Variants in UBE2H observed in about 807,000 individuals in gnomAD.
UBE2H encodes ubiquitin-conjugating enzyme E2 H.
A neutral mutation model predicts 29.0 loss-of-function variants in UBE2H; 3 were observed. The observed-to-expected ratio is 0.10, with a 90% CI of 0.05 to 0.27. The LOEUF is 0.27. Among genes scored for constraint, UBE2H ranks in the 10% least tolerant of loss-of-function variants. The probability of loss-of-function intolerance (pLI) is 1.00; values close to 1 mark genes in which losing one functional copy is unlikely to be tolerated. For synonymous variants in UBE2H, 69 were observed against 82.9 expected, an observed-to-expected ratio of 0.83 and a Z score of 0.91; for missense variants, 68 against 228.2, an observed-to-expected ratio of 0.30 and a Z score of 4.52.
chr7:129,890,330 CGTGTGT>C (rs1563035913), intron 1 of UBE2H, among the ~76,000 whole-genome samples: 1 of 150,802 alleles, frequency 6.6e-6, no homozygotes, highest in African/African-American at 2.4e-5. Flanking sequence ...TGTATATATA[CGTGTGT>C]ATATATATGT....
intron 1 of UBE2H, among the ~76,000 whole-genome samples, chr7:129,932,640 G>A (rs774091546): frequency 6.6e-6 from 1 of 151,680 alleles, no homozygotes; most frequent in African/African-American, 2.4e-5. Context: ...CGGGCGTGGT[G>A]GTGGGCACCT....
At chr7:129,838,655 T>G (rs1225818552) in intron 6 of UBE2H, among the ~76,000 whole-genome samples, 1 of 152,166 alleles carries the variant, frequency 6.6e-6, no homozygotes, top group African/African-American at 2.4e-5. Flanking sequence ...TTTTTCTTTT[T>G]TAAAGACAGA....
intron 1 of UBE2H, among the ~76,000 whole-genome samples, chr7:129,934,673 A>T (rs1312568208): frequency 6.6e-6 from 1 of 151,286 alleles, no homozygotes; most frequent in African/African-American, 2.4e-5. Flanking sequence ...GCTGAAATAA[A>T]AACACATACA....
At chr7:129,891,815 A>C (rs147819394) in intron 1 of UBE2H, among the ~76,000 whole-genome samples, 94,601 of 146,120 alleles carry the variant, frequency 0.65, 30,622 homozygotes, top group Non-Finnish European at 0.72. Flanking sequence ...AAAAACAAAA[A>C]AAAAAAAAAA....
chr7:129,938,683 G>A (rs1026241963), intron 1 of UBE2H, among the ~76,000 whole-genome samples: 1 of 150,300 alleles, frequency 6.7e-6, no homozygotes, highest in African/African-American at 2.4e-5. Flanking sequence ...TCCAGCCTGG[G>A]CGCCAAGAGC....
intron 5 of UBE2H, among the ~76,000 whole-genome samples, chr7:129,840,628 A>G (rs1360989090): frequency 6.6e-6 from 1 of 152,190 alleles, no homozygotes; most frequent in Non-Finnish European, 1.5e-5. Context: ...GATATGCTGT[A>G]ACTTCCACAC....
intron 1 of UBE2H, 130 bp downstream of exon 1, chr7:129,952,373 C>G: frequency 8.5e-7 from 1 of 1,178,038 alleles, no homozygotes; most frequent in Non-Finnish European, 1.2e-6. Flanking sequence ...GCCGTAGGCA[C>G]TGGGGGAGGA....
chr7:129,857,382 C>G lies in UBE2H; in HGVS notation c.298+129G>C, dbSNP rs192820714. 8 of 872,660 alleles carry G rather than the reference C, an allele frequency of 9.2e-6. No homozygotes were observed. In the South Asian group the frequency reaches 1.4e-4, roughly 16 times the overall value. The allele number at this position is 872,660 out of a possible 1,614,324, so 54.1% of individuals were successfully genotyped here. On this transcript the variant is annotated intron_variant, in intron 5 of 6. Transcript: ENST00000355621. Reference sequence around the variant, plus strand: ...ACATTTTTTCCACTGATCAAACTTTCCCAGTCGGTCCCTCAAAAATCCCTT... The same window carrying G: ...ACATTTTTTCCACTGATCAAACTTTGCCAGTCGGTCCCTCAAAAATCCCTT...
chr7:129,914,007 T>C (rs1435899644), intron 1 of UBE2H, among the ~76,000 whole-genome samples: 1 of 152,098 alleles, frequency 6.6e-6, no homozygotes, highest in Non-Finnish European at 1.5e-5. Flanking sequence ...CACTTGGAAC[T>C]CAATGCATAT....
intron 1 of UBE2H, among the ~76,000 whole-genome samples, chr7:129,924,936 A>G (rs1324502696): frequency 1.3e-5 from 2 of 152,016 alleles, no homozygotes; most frequent in Non-Finnish European, 2.9e-5. Context: ...TTGAGGGTAC[A>G]AGCTAAACTA....
intron 1 of UBE2H, among the ~76,000 whole-genome samples, chr7:129,902,046 C>T (rs900221286): frequency 1.3e-5 from 2 of 152,124 alleles, no homozygotes; most frequent in Admixed American, 1.3e-4. Flanking sequence ...TGTTATTAAC[C>T]CGTTTTCACT....
chr7:129,857,204 TAATA>T (rs2116314998), intron 5 of UBE2H: 2 of 300,538 alleles, frequency 6.7e-6, no homozygotes, highest in South Asian at 8.5e-5. Context: ...TATTATGTGC[TAATA>T]CATACATATA....
intron 1 of UBE2H, among the ~76,000 whole-genome samples, chr7:129,914,496 C>T (rs890013558): frequency 3.3e-5 from 5 of 152,088 alleles, no homozygotes; most frequent in African/African-American, 4.8e-5. Flanking sequence ...AACTCCCCTC[C>T]AGAAACAGAG....
intron 1 of UBE2H, among the ~76,000 whole-genome samples, chr7:129,912,681 G>A (rs1412213808): frequency 6.6e-6 from 1 of 152,176 alleles, no homozygotes; most frequent in Non-Finnish European, 1.5e-5. Context: ...GAGCATTTTA[G>A]ATTTTGGATT....
chr7:129,882,731 C>G (rs1029987596), intron 1 of UBE2H, among the ~76,000 whole-genome samples: 1 of 152,118 alleles, frequency 6.6e-6, no homozygotes, highest in East Asian at 1.9e-4. Context: ...CCTCTGACAT[C>G]CTGCAAAATA....
chr7:129,850,066 C>T (rs1388493767), intron 5 of UBE2H, among the ~76,000 whole-genome samples: 2 of 152,178 alleles, frequency 1.3e-5, no homozygotes, highest in African/African-American at 4.8e-5. Context: ...CTTCCCTCCT[C>T]CCACCTCTCA....
chr7:129,900,751 CTTTTTTT>C (rs71704122), intron 1 of UBE2H, among the ~76,000 whole-genome samples: 1 of 133,836 alleles, frequency 7.5e-6, no homozygotes, highest in Admixed American at 7.7e-5. Context: ...TTTCTTTTTC[CTTTTTTT>C]TTTTTTTTTT....
chr7:129,867,710 A>G (rs1805935380), intron 3 of UBE2H, among the ~76,000 whole-genome samples: 1 of 89,138 alleles, frequency 1.1e-5, no homozygotes, highest in African/African-American at 4.9e-5. Flanking sequence ...AAAAAAAAAA[A>G]AAAAAAAGAA....
chr7:129,907,298 C>T (rs1287959504), intron 1 of UBE2H, among the ~76,000 whole-genome samples: 1 of 152,010 alleles, frequency 6.6e-6, no homozygotes, highest in Non-Finnish European at 1.5e-5. Context: ...TGACAGCTGT[C>T]GGGATGCAGA....
Sources: allele counts gnomAD v4.1 joint callset (sites outside exome capture counted in the v4.1 genomes callset), GRCh38; gene constraint gnomAD v4.1.1; transcripts MANE v1.5; gene names NCBI Gene and HGNC (gene_info 2026-07-23, HGNC 2026-07-21).